Variants in ATXN1 observed in about 807,000 individuals in gnomAD.
The protein encoded by ATXN1 is ataxin 1.
Under a neutral mutation model 56.4 loss-of-function variants are expected in ATXN1, and 8 were observed. The ratio of observed to expected loss-of-function variants is 0.14; its 90% CI spans 0.08 to 0.26. ATXN1 has a LOEUF of 0.26. ATXN1 is among the 10% of genes least tolerant of loss of function. ATXN1 has a pLI of 1.00. For synonymous variants in ATXN1, 514 were observed against 494.6 expected (o/e 1.04, Z -0.52); for missense variants, 987 against 1,106.5 (o/e 0.89, Z 1.53).
chr6:16,401,087 A>C (rs1399317148), intron 6 of ATXN1, among the ~76,000 whole-genome samples: 9 of 152,236 alleles, frequency 5.9e-5, no homozygotes, highest in Admixed American at 1.3e-4. Context: ...TAAAATAAAG[A>C]GTTGACCCAC....
In ATXN1 at chr6:16,650,797, A is replaced by C. The variant is rs1181143746; in HGVS notation, c.-489+6979T>G. Among the ~76,000 whole-genome samples, 7 of 152,076 alleles carry C rather than the reference A, an allele frequency of 4.6e-5. No homozygotes were observed. The South Asian group carries it at 8.3e-4, about 18-fold the overall frequency. On this transcript the variant is annotated intron_variant, in intron 3 of 7. Transcript: ENST00000436367. ...CTGAAACCAATCTGGCTGTTTCTGT[A>C]CCTCACTTCTGTTTTCTGTCCGTCG... is the stretch of plus-strand genomic sequence containing the variant.
intron 4 of ATXN1, among the ~76,000 whole-genome samples, chr6:16,573,972 T>C (rs1459427485): frequency 6.6e-6 from 1 of 152,208 alleles, no homozygotes; most frequent in Non-Finnish European, 1.5e-5. Context: ...TCTGTTGTCA[T>C]GGATTGCTCT....
intron 3 of ATXN1, chr6:16,615,353 G>C (rs572402281): frequency 6.6e-6 from 1 of 151,448 alleles, no homozygotes; most frequent in African/African-American, 2.4e-5. Flanking sequence ...ATGGAAGGGA[G>C]AACTGTTACT....
chr6:16,334,774 T>C lies in ATXN1; in HGVS notation c.-160-6304A>G, dbSNP rs373394966. Among the ~76,000 whole-genome samples, 61 of 152,248 alleles carry C rather than the reference T, an allele frequency of 4.0e-4. 1 individual carries two copies. The highest frequency in any genetic ancestry group is 3.9e-4 in the East Asian group (2 of 5,180). ...AGGGAATAAATACTGCAACCATAGA[T>C]GGCACGGGTAAAGCCACAGTTGAAA... On this transcript the variant is annotated intron_variant, in intron 6 of 7. Coordinates refer to ENST00000436367, the MANE Select transcript of ATXN1 (RefSeq NM_001128164.2).
intron 6 of ATXN1, among the ~76,000 whole-genome samples, chr6:16,367,529 T>C (rs1052642346): frequency 3.9e-5 from 6 of 152,154 alleles, no homozygotes; most frequent in Non-Finnish European, 5.9e-5. Flanking sequence ...TCAGACTCGA[T>C]TGTATAGGTC....
At chr6:16,602,486 C>T (rs1352662282) in intron 3 of ATXN1, among the ~76,000 whole-genome samples, 1 of 149,358 alleles carries the variant, frequency 6.7e-6, no homozygotes, top group Non-Finnish European at 1.5e-5. Flanking sequence ...GAGTCTCGCT[C>T]TGTGACCCAG....
rs1263648602 is a variant in ATXN1, at chr6:16,451,659, G to A, written c.-161+34313C>T. ...AATCCCAGCTACTCAGAAGGCTGAG[G>A]CAGGAGAACCACTTGAACCCAGGAG... On this transcript the variant is annotated intron_variant, in intron 6 of 7. Transcript: ENST00000436367. 2.0e-5 allele frequency among the ~76,000 whole-genome samples: 3 copies of A among 152,060 alleles called. No individual in the cohort carries two copies. The East Asian group carries it at 5.8e-4, about 29-fold the overall frequency.
intron 3 of ATXN1, among the ~76,000 whole-genome samples, chr6:16,608,610 A>G (rs1447413982): frequency 6.6e-6 from 1 of 152,220 alleles, no homozygotes; most frequent in Non-Finnish European, 1.5e-5. Context: ...GCCAAATGCC[A>G]CTGGGAAAAG....
chr6:16,457,978 T>C (rs982410055), intron 6 of ATXN1, among the ~76,000 whole-genome samples: 2 of 152,190 alleles, frequency 1.3e-5, no homozygotes, highest in Non-Finnish European at 2.9e-5. Flanking sequence ...AGTTTTCAGA[T>C]GATCCTGGTA....
At chr6:16,510,682 G>A (rs954141844) in intron 5 of ATXN1, among the ~76,000 whole-genome samples, 5 of 152,168 alleles carry the variant, frequency 3.3e-5, no homozygotes, top group Non-Finnish European at 5.9e-5. Flanking sequence ...AGGCTGCAAT[G>A]AGCTGTGAGT....
chr6:16,753,431 T>G (rs955905141), intron 1 of ATXN1, 84 bp from the exon 2 acceptor site: 5 of 444,752 alleles, frequency 1.1e-5, no homozygotes, highest in African/African-American at 6.0e-5. Context: ...CCACCTTAAG[T>G]GTCTATGCAC....
chr6:16,366,099 C>T (rs1761913200), intron 6 of ATXN1, among the ~76,000 whole-genome samples: 1 of 152,150 alleles, frequency 6.6e-6, no homozygotes, highest in African/African-American at 2.4e-5. Context: ...TTTAAAGAAA[C>T]AATCTTGGAT....
In ATXN1 at chr6:16,328,581, T is replaced by C. The variant is rs549487539; in HGVS notation, c.-160-111A>G. On this transcript the variant is annotated intron_variant, in intron 6 of 7. Coordinates refer to ENST00000436367, the MANE Select transcript of ATXN1 (RefSeq NM_001128164.2). This position sits in a 1 kb window ranked among gnomAD's most constrained non-coding sequence, Gnocchi z 6.2. ...CGGGGAAAGAACATCTTTGGCAAGA[T>C]TAAGACTAGGCCCTGGACTCGGTGT... 3.2e-5 allele frequency: 13 copies of C among 403,352 alleles called. No individual in the cohort carries two copies. In the South Asian group the frequency reaches 1.1e-3, roughly 33 times the overall value. The allele number at this position is 403,352 out of a possible 1,614,324, so 25.0% of individuals were successfully genotyped here.
At chr6:16,369,976 A>G (rs1361474659) in intron 6 of ATXN1, among the ~76,000 whole-genome samples, 1 of 152,184 alleles carries the variant, frequency 6.6e-6, no homozygotes, top group African/African-American at 2.4e-5. Context: ...CCTGGTGCCG[A>G]GCCAACATAA....
intron 2 of ATXN1, among the ~76,000 whole-genome samples, chr6:16,697,110 C>T (rs189355720): frequency 6.6e-6 from 1 of 152,254 alleles, no homozygotes; most frequent in African/African-American, 2.4e-5. Context: ...TTAGTATTAG[C>T]GGGATGAATA....
rs1307206321 is a variant in ATXN1 at position 16,326,831 on chromosome 6, C to T, written c.1480G>A (p.Val494Ile). The T allele has an allele frequency of 6.2e-7, 1 of 1,607,374 alleles. No individual in the cohort carries two copies. Among genetic ancestry groups the T allele is most frequent in the Non-Finnish European group, 8.5e-7 (1 of 1,175,234 alleles). Residue 494 changes from valine (V) to isoleucine (I), a missense_variant, in exon 7 of 8, where the codon GTC (valine) becomes ATC (isoleucine). Physicochemically the swap from Val to Ile is conservative, Grantham distance 29. Around this residue, in one of 3 missense-constraint regions of ATXN1, gnomAD observed 723 missense variants for 791.7 expected, o/e 0.91. Transcript: ENST00000436367. This position sits in a 1 kb window ranked among gnomAD's most constrained non-coding sequence, Gnocchi z 6.6. ...IPGTQPLLIP[V>I]GSTDMEASGA... ...GACGCTTCCATGTCAGTGCTGCCGACCGGGATGAGCAGGGGCTGTGTGCCG... is the reference window on the plus strand; with the variant it reads ...GACGCTTCCATGTCAGTGCTGCCGATCGGGATGAGCAGGGGCTGTGTGCCG...
intron 4 of ATXN1, among the ~76,000 whole-genome samples, chr6:16,551,015 C>T (rs1439478588): frequency 6.6e-6 from 1 of 152,172 alleles, no homozygotes; most frequent in Admixed American, 6.5e-5. Flanking sequence ...AGAATCACTG[C>T]ATCCTAATTC....
chr6:16,377,300 A>C (rs1042623920), intron 6 of ATXN1, among the ~76,000 whole-genome samples: 2 of 152,244 alleles, frequency 1.3e-5, no homozygotes, highest in African/African-American at 2.4e-5. Context: ...AAATACATCC[A>C]CCTCAAAGGA....
intron 6 of ATXN1, among the ~76,000 whole-genome samples, chr6:16,440,732 T>C (rs541723658): frequency 6.6e-6 from 1 of 151,410 alleles, no homozygotes; most frequent in African/African-American, 2.4e-5. Context: ...TTTAAAAAAA[T>C]TTTTCAGAAT....
Sources: allele counts gnomAD v4.1 joint callset (sites outside exome capture counted in the v4.1 genomes callset), GRCh38; gene constraint gnomAD v4.1.1; regional missense constraint gnomAD v4.1.1; non-coding constraint Gnocchi (gnomAD v3.1); transcripts MANE v1.5; gene names NCBI Gene and HGNC (gene_info 2026-07-23, HGNC 2026-07-21).